DSG3: variants seen among roughly 807,000 people sequenced by gnomAD.
DSG3 encodes the protein desmoglein 3.
Under a neutral mutation model 85.9 loss-of-function variants are expected in DSG3, and 63 were observed. That is an observed-to-expected ratio of 0.73 (90% CI 0.60 to 0.90). The LOEUF is 0.90. Among genes scored for constraint, DSG3 ranks in the 40% least tolerant of loss-of-function variants. The pLI is 0.00. For missense variants in DSG3, 1,220 were observed against 1,219.9 expected, an observed-to-expected ratio of 1.00 and a Z score of 0.00; for synonymous variants, 447 against 441.9, an observed-to-expected ratio of 1.01 and a Z score of -0.14.
At position 31,464,318 on chromosome 18, in the gene DSG3, G is replaced by C. The variant is rs971571650; in HGVS notation, c.1207G>C (p.Asp403His). The change falls in exon 9 of 16, where the codon GAT becomes CAT. Residue 403 changes from aspartate to histidine, a missense_variant. Asp to His is a moderately conservative substitution (Grantham distance 81, BLOSUM62 -1). Transcript: ENST00000257189. ...QKGISSKKLVDYILGTYQAID... is the reference protein window; with the variant it reads ...QKGISSKKLVHYILGTYQAID... ...AGGCATAAGTAGCAAAAAATTGGTG[G>C]ATTATATCCTGGGAACATATCAAGC... The C allele has an allele frequency of 6.2e-7, 1 of 1,614,000 alleles. No homozygotes were observed. The highest frequency in any genetic ancestry group is 1.3e-5 in the African/African-American group (1 of 74,928).
chr18:31,469,270 C>T lies in DSG3; in HGVS notation c.1818C>T (p.Thr606=), dbSNP rs1568090618. The part of the protein sequence containing the change: ...GTSYPTTSPG[T]RYGRPHSGRL... ...CTTACCCAACCACAAGCCCTGGGAC[C>T]AGGTATGGCAGGCCGCACTCAGGGA... The change falls in exon 12 of 16, where the codon ACC becomes ACT. Residue 606 remains threonine (T), a synonymous_variant. Transcript: ENST00000257189. The T allele has an allele frequency of 1.9e-6, 3 of 1,614,154 alleles. No individual in the cohort carries two copies. The highest frequency in any genetic ancestry group is 2.5e-6 in the Non-Finnish European group (3 of 1,180,032).
At chr18:31,448,341 G>A (rs943525471) in intron 1 of DSG3, among the ~76,000 whole-genome samples, 1 of 152,132 alleles carries the variant, frequency 6.6e-6, no homozygotes, top group East Asian at 1.9e-4. Context: ...ACACGCCTGG[G>A]CTTGATACCT....
intron 3 of DSG3, 22 bp downstream of exon 3, chr18:31,457,146 G>C: frequency 6.3e-7 from 1 of 1,592,204 alleles, no homozygotes; most frequent in Non-Finnish European, 8.5e-7. Context: ...CAACAGGAGC[G>C]TATGAGTTTT....
At chr18:31,472,904 C>A in intron 14 of DSG3, 116 bp downstream of exon 14, 1 of 851,710 alleles carries the variant, frequency 1.2e-6, no homozygotes, top group Non-Finnish European at 1.9e-6. Context: ...ATGTCAGGAG[C>A]TGTTACCACT....
intron 12 of DSG3, among the ~76,000 whole-genome samples, chr18:31,470,682 G>C (rs2072850179): frequency 1.3e-5 from 2 of 151,958 alleles, no homozygotes. Context: ...TACTACAAAG[G>C]GGTAATTACA....
Position 31,460,973 on chromosome 18 carries a change from G to T in DSG3, c.813+12G>T. On this transcript the variant is annotated intron_variant, in intron 7 of 15. Transcript: ENST00000257189. Reference sequence around the variant, plus strand: ...TTAGAGACTCTCAGGTACACCCATTGCTCCTTAAAGAATCATTTAGATATA... The same window carrying T: ...TTAGAGACTCTCAGGTACACCCATTTCTCCTTAAAGAATCATTTAGATATA... 3 of 1,571,002 alleles carry T rather than the reference G, an allele frequency of 1.9e-6. No individual in the cohort carries two copies. Among genetic ancestry groups the T allele is most frequent in the Admixed American group, 2.2e-5 (1 of 46,306 alleles).
Position 31,469,176 on chromosome 18 carries a change from G to T in DSG3, c.1724G>T (p.Arg575Leu). The change falls in exon 12 of 16, where the codon CGG (arginine) becomes CTG (leucine). Residue 575 changes from arginine to leucine, a missense_variant. Physicochemically the swap from Arg to Leu is moderately radical, Grantham distance 102 (BLOSUM62 -2). Coordinates refer to ENST00000257189, the MANE Select transcript of DSG3 (RefSeq NM_001944.3). ...SLVLTDSQNN[R>L]CEMPRSLTLE... The stretch of plus-strand genomic sequence containing the variant: ...GTACTTACAGACAGTCAGAACAATC[G>T]GTGTGAGATGCCACGCAGCTTGACA... The T allele has an allele frequency of 6.2e-7, 1 of 1,614,120 alleles. No homozygotes were observed. The highest frequency in any genetic ancestry group is 8.5e-7 in the Non-Finnish European group (1 of 1,180,028).
chr18:31,471,139 C>T (rs1479890065), intron 12 of DSG3, among the ~76,000 whole-genome samples: 1 of 152,138 alleles, frequency 6.6e-6, no homozygotes, highest in Non-Finnish European at 1.5e-5. Context: ...AGATTTCGAG[C>T]TGTGACATGA....
intron 11 of DSG3, among the ~76,000 whole-genome samples, chr18:31,468,096 A>C (rs921446689): frequency 4.3e-4 from 66 of 152,360 alleles, no homozygotes; most frequent in Admixed American, 3.2e-3. Context: ...AAAAGATTCA[A>C]CAAATGCAAT....
At chr18:31,451,460 G>C (rs1156425879) in intron 1 of DSG3, among the ~76,000 whole-genome samples, 2 of 152,166 alleles carry the variant, frequency 1.3e-5, no homozygotes, top group African/African-American at 4.8e-5. Context: ...GTTAGCAAGT[G>C]TTCTAAATAC....
At position 31,461,242 on chromosome 18, in the gene DSG3, G is replaced by A. The variant is rs2072783689; in HGVS notation, c.829G>A (p.Glu277Lys). Residue 277 changes from glutamate to lysine, a missense_variant, in exon 8 of 16, where the codon GAA (glutamate) becomes AAA (lysine). Glu to Lys is a moderately conservative substitution (Grantham distance 56). Transcript: ENST00000257189. ...GCCTTTTCAGTATTCAGCACGTATT[G>A]AAGAAAATATTTTAAGTTCTGAATT... ...FRDSQYSARI[E>K]ENILSSELLR... The A allele has an allele frequency of 1.2e-6, 2 of 1,612,762 alleles. No homozygotes were observed. The highest frequency in any genetic ancestry group is 1.3e-5 in the African/African-American group (1 of 74,850).
Position 31,478,267 on chromosome 18 carries a change from G to C in DSG3, c.*2007G>C, listed in dbSNP as rs2072901410. 6.6e-6 allele frequency: 1 copy of C among 152,232 alleles called. No homozygotes were observed. Among genetic ancestry groups the C allele is most frequent in the Non-Finnish European group, 1.5e-5 (1 of 68,044 alleles). 9.4% of individuals were successfully genotyped at this position (152,232 alleles called of 1,614,324 possible). On this transcript the variant is annotated 3_prime_UTR_variant, in exon 16 of 16. Transcript: ENST00000257189. Reference sequence around the variant, plus strand: ...CGCTCTACAGTCTAGAGCACATGCAGCTAACTTGTGCCTCTGCTTATGCAT... The same window carrying C: ...CGCTCTACAGTCTAGAGCACATGCACCTAACTTGTGCCTCTGCTTATGCAT...
chr18:31,470,278 A>G (rs1328416752), intron 12 of DSG3, among the ~76,000 whole-genome samples: 4 of 152,208 alleles, frequency 2.6e-5, no homozygotes, highest in African/African-American at 7.2e-5. Context: ...CACAAAAAGT[A>G]GAGAAAATGT....
intron 1 of DSG3, among the ~76,000 whole-genome samples, chr18:31,452,006 T>C (rs1431932023): frequency 1.3e-5 from 2 of 152,182 alleles, no homozygotes; most frequent in Admixed American, 1.3e-4. Flanking sequence ...ATACACCTTT[T>C]TCTTGGAGAG....
intron 11 of DSG3, among the ~76,000 whole-genome samples, chr18:31,467,234 A>G (rs1375405465): frequency 6.6e-6 from 1 of 152,142 alleles, no homozygotes; most frequent in Non-Finnish European, 1.5e-5. Context: ...CCAGCTATTC[A>G]GGAGACTGAG....
rs753918335 is a variant in DSG3, at chr18:31,458,422, G to A, written c.217-23G>A. 14 of 1,609,884 alleles carry A rather than the reference G, an allele frequency of 8.7e-6. No homozygotes were observed. In the South Asian group the frequency reaches 1.2e-4, roughly 14 times the overall value. ...AGGCTTGAGTGATGGTCACCTCAAC[G>A]TTTTTGGTATTTGGGGCTGTAGATT... is the stretch of plus-strand genomic sequence containing the variant. On this transcript the variant is annotated intron_variant, in intron 3 of 15. Coordinates refer to ENST00000257189, the MANE Select transcript of DSG3 (RefSeq NM_001944.3).
At position 31,476,218 on chromosome 18, in the gene DSG3, T is replaced by C. The variant is rs140762325; in HGVS notation, c.2958T>C (p.His986=). Residue 986 remains histidine (H), a synonymous_variant, in exon 16 of 16, where the codon CAT becomes CAC. Transcript: ENST00000257189. ...LAGPTQLRGS[H]TMLCTEDPCS... ...GCCCAACGCAGCTACGAGGGTCACA[T>C]ACTATGCTCTGTACAGAGGATCCTT... The C allele has an allele frequency of 1.1e-5, 17 of 1,613,876 alleles. No homozygotes were observed. The African/African-American group carries it at 2.3e-4, about 22-fold the overall frequency.
rs570711874 is a variant in DSG3 at position 31,460,867 on chromosome 18, C to G, written c.719C>G (p.Ala240Gly). ...AGCTATCGTCTGGTTGTGAGTGGTG[C>G]AGACAAAGATGGAGAAGGACTATCA... Reference protein sequence around the residue: ...ASSYRLVVSGADKDGEGLSTQ... With the variant: ...ASSYRLVVSGGDKDGEGLSTQ... The change falls in exon 7 of 16, where the codon GCA becomes GGA. Residue 240 changes from alanine to glycine, a missense_variant. By Grantham distance (60) the Ala-to-Gly change is moderately conservative. Coordinates refer to ENST00000257189, the MANE Select transcript of DSG3 (RefSeq NM_001944.3). The G allele has an allele frequency of 1.3e-6, 2 of 1,595,806 alleles. No homozygotes were observed. The highest frequency in any genetic ancestry group is 3.7e-5 in the Admixed American group (2 of 54,724).
chr18:31,460,707 A>G (rs2072778365), intron 6 of DSG3, 126 bp from the exon 7 acceptor site: 1 of 849,746 alleles, frequency 1.2e-6, no homozygotes, highest in Non-Finnish European at 1.7e-6. Context: ...CCAACCATCC[A>G]GAGTCCCACA....
Sources: allele counts gnomAD v4.1 joint callset (sites outside exome capture counted in the v4.1 genomes callset), GRCh38; gene constraint gnomAD v4.1.1; transcripts MANE v1.5; gene names NCBI Gene and HGNC (gene_info 2026-07-23, HGNC 2026-07-21).